Variants in RB1CC1 observed in about 807,000 individuals in gnomAD.
RB1CC1 encodes RB1-inducible coiled-coil protein 1.
Under a neutral mutation model 177.5 loss-of-function variants are expected in RB1CC1, and 46 were observed. That is an observed-to-expected ratio of 0.26 (90% CI 0.20 to 0.33). RB1CC1 has a LOEUF of 0.33. RB1CC1 is among the 10% of genes least tolerant of loss of function. The pLI, the probability that RB1CC1 is intolerant of heterozygous loss-of-function variation, is 1.00. For synonymous variants in RB1CC1, 666 were observed against 613.6 expected, an observed-to-expected ratio of 1.09 and a Z score of -1.26; for missense variants, 1,703 against 1,816.3, an observed-to-expected ratio of 0.94 and a Z score of 1.13.
intron 1 of RB1CC1, among the ~76,000 whole-genome samples, chr8:52,694,074 C>T (rs147494166): frequency 6.6e-6 from 1 of 152,262 alleles, no homozygotes; most frequent in East Asian, 1.9e-4. Flanking sequence ...TAGAGGAGAA[C>T]CTACCTATCG....
intron 21 of RB1CC1, among the ~76,000 whole-genome samples, chr8:52,628,715 A>G (rs1848556129): frequency 6.6e-6 from 1 of 152,188 alleles, no homozygotes; most frequent in East Asian, 1.9e-4. Flanking sequence ...GAAAGAGAGA[A>G]GTGGGTACAA....
At chr8:52,624,154 A>C (rs1363978739) in intron 23 of RB1CC1, among the ~76,000 whole-genome samples, 1 of 151,924 alleles carries the variant, frequency 6.6e-6, no homozygotes, top group Non-Finnish European at 1.5e-5. Flanking sequence ...TGGGCCATAC[A>C]TCATTGTTTT....
intron 18 of RB1CC1, among the ~76,000 whole-genome samples, chr8:52,640,628 A>G (rs1206123482): frequency 6.6e-6 from 1 of 152,092 alleles, no homozygotes; most frequent in Non-Finnish European, 1.5e-5. Context: ...TACCTCTCCT[A>G]TATGTAGAAT....
rs1260753483 is a variant in RB1CC1 at position 52,668,002 on chromosome 8, A to G, written c.1173+19T>C. Reference sequence around the variant, plus strand: ...AAAACTATAAATTCCTTTTCCTGAGAAAAGTCTAAAATAGGTACCTGAGCA... The same window carrying G: ...AAAACTATAAATTCCTTTTCCTGAGGAAAGTCTAAAATAGGTACCTGAGCA... On this transcript the variant is annotated intron_variant, in intron 8 of 23. Coordinates refer to ENST00000025008, the MANE Select transcript of RB1CC1 (RefSeq NM_014781.5). The G allele has an allele frequency of 3.2e-6, 5 of 1,586,894 alleles. No homozygotes were observed. The highest frequency in any genetic ancestry group is 1.7e-4 in the Middle Eastern group (1 of 5,932).
chr8:52,712,487 A>C (rs1452561450), intron 1 of RB1CC1, among the ~76,000 whole-genome samples: 1 of 137,612 alleles, frequency 7.3e-6, no homozygotes, highest in East Asian at 2.0e-4. Flanking sequence ...TGTGTTTGGC[A>C]GCAAGAGCCA....
chr8:52,666,701 C>G (rs1218627726), intron 8 of RB1CC1, among the ~76,000 whole-genome samples: 1 of 151,830 alleles, frequency 6.6e-6, no homozygotes, highest in Non-Finnish European at 1.5e-5. Context: ...ACAAAAGAAC[C>G]AAACTGAAAC....
rs566939656 is a variant in RB1CC1 at position 52,681,767 on chromosome 8, T to C, written c.369+1782A>G. ...GCAACGCAGTGAGATCCTGTCTCTA[T>C]ATAATAAGTCAATAAAATACCTAAT... On this transcript the variant is annotated intron_variant, in intron 5 of 23. Transcript: ENST00000025008. 1.0e-3 allele frequency among the ~76,000 whole-genome samples: 159 copies of C among 152,282 alleles called. 1 individual carries two copies. The highest frequency in any genetic ancestry group is 3.7e-3 in the African/African-American group (152 of 41,568).
intron 2 of RB1CC1, 66 bp from the exon 3 acceptor site, chr8:52,685,586 TATG>T: frequency 3.2e-6 from 2 of 624,068 alleles, no homozygotes; most frequent in Non-Finnish European, 5.6e-6. Flanking sequence ...CTATCATCAT[TATG>T]ACACAGTACA....
intron 4 of RB1CC1, 29 bp from the exon 5 acceptor site, chr8:52,683,748 C>A: frequency 6.4e-7 from 1 of 1,555,284 alleles, no homozygotes; most frequent in South Asian, 1.2e-5. Flanking sequence ...GAGAAATAAC[C>A]AAAATAAAAT....
In RB1CC1 at chr8:52,708,333, A is replaced by G. The variant is rs577251394; in HGVS notation, c.-167+5742T>C. Among the ~76,000 whole-genome samples the G allele has an allele frequency of 1.3e-5, 2 of 152,182 alleles. 1 individual carries two copies. The highest frequency in any genetic ancestry group is 4.1e-4 in the South Asian group (2 of 4,820). ...AGATCGAGACCATCCTGGCTAACAC[A>G]GTGAAACCCCGTCTCTGCTAAAAAT... is the stretch of plus-strand genomic sequence containing the variant. On this transcript the variant is annotated intron_variant, in intron 1 of 23. Transcript: ENST00000025008.
intron 21 of RB1CC1, 80 bp downstream of exon 21, chr8:52,630,390 A>C: frequency 6.8e-7 from 1 of 1,472,234 alleles, no homozygotes; most frequent in Non-Finnish European, 9.0e-7. Context: ...GACCTGAATT[A>C]CTGTCACTGA....
chr8:52,634,672 C>T (rs1296074631), intron 20 of RB1CC1, among the ~76,000 whole-genome samples: 1 of 152,030 alleles, frequency 6.6e-6, no homozygotes, highest in Non-Finnish European at 1.5e-5. Context: ...GACCTACAGC[C>T]GTAAATTCGC....
chr8:52,658,001 T>G lies in RB1CC1; in HGVS notation c.1917A>C (p.Gln639His). The G allele has an allele frequency of 1.2e-6, 2 of 1,613,796 alleles. No individual in the cohort carries two copies. Among genetic ancestry groups the G allele is most frequent in the East Asian group, 4.5e-5 (2 of 44,868 alleles). Reference sequence around the variant, plus strand: ...TGTTTGAAAGAATTGAATTTGCCTTTTGTTCACTCAGTAGATCTGTAATGG... The same window carrying G: ...TGTTTGAAAGAATTGAATTTGCCTTGTGTTCACTCAGTAGATCTGTAATGG... Reference protein sequence around the residue: ...SQTITDLLSEQKASVSQTSPQ... With the variant: ...SQTITDLLSEHKASVSQTSPQ... Residue 639 changes from glutamine to histidine, a missense_variant, in exon 14 of 24, where the codon CAA becomes CAC. By Grantham distance (24) the Gln-to-His change is conservative (BLOSUM62 0). Around this residue, in one of 6 missense-constraint regions of RB1CC1, gnomAD observed 1,169 missense variants for 1,184.7 expected, o/e 0.99. Coordinates refer to ENST00000025008, the MANE Select transcript of RB1CC1 (RefSeq NM_014781.5).
intron 7 of RB1CC1, 74 bp downstream of exon 7, chr8:52,673,771 G>A (rs1852815189): frequency 7.4e-7 from 1 of 1,343,128 alleles, no homozygotes; most frequent in Non-Finnish European, 1.0e-6. Context: ...CATTCTCTCA[G>A]TACATAAAAT....
Position 52,673,998 on chromosome 8 carries a change from T to C in RB1CC1, c.849A>G (p.Gln283=), listed in dbSNP as rs777343622. ...ESGKEIRESC[Q]STVHQQDETT... ...TTTCATCTTGCTGATGAACAGTACT[T>C]TGACAAGATTCCCTAATTTCTTTGC... Residue 283 remains glutamine, a synonymous_variant, in exon 7 of 24, where the codon CAA becomes CAG. Transcript: ENST00000025008. 18 of 1,614,084 alleles carry C rather than the reference T, an allele frequency of 1.1e-5. No homozygotes were observed. Among genetic ancestry groups the C allele is most frequent in the African/African-American group, 4.0e-5 (3 of 74,936 alleles).
intron 5 of RB1CC1, among the ~76,000 whole-genome samples, chr8:52,677,830 T>C (rs1033557475): frequency 6.6e-6 from 1 of 152,040 alleles, no homozygotes; most frequent in East Asian, 1.9e-4. Flanking sequence ...ACAAATAAAA[T>C]GTTTTCAGAT....
chr8:52,679,846 C>G (rs1485035340), intron 5 of RB1CC1, among the ~76,000 whole-genome samples: 1 of 151,992 alleles, frequency 6.6e-6, no homozygotes, highest in Non-Finnish European at 1.5e-5. Flanking sequence ...AGAAATAATA[C>G]CTATTTATGT....
At chr8:52,660,365 G>C (rs1364839126) in intron 12 of RB1CC1, among the ~76,000 whole-genome samples, 1 of 152,146 alleles carries the variant, frequency 6.6e-6, no homozygotes, top group East Asian at 1.9e-4. Flanking sequence ...AATCCTAACA[G>C]TGCAGTATAA....
At chr8:52,659,052 C>A in intron 12 of RB1CC1, 76 bp from the exon 13 acceptor site, 1 of 724,370 alleles carries the variant, frequency 1.4e-6, no homozygotes, top group South Asian at 2.7e-5. Context: ...TGATTTCTTA[C>A]TATAATTAAA....
Sources: allele counts gnomAD v4.1 joint callset (sites outside exome capture counted in the v4.1 genomes callset), GRCh38; gene constraint gnomAD v4.1.1; regional missense constraint gnomAD v4.1.1; transcripts MANE v1.5; gene names NCBI Gene and HGNC (gene_info 2026-07-23, HGNC 2026-07-21).